Variants in ANKRD6 observed in about 807,000 individuals in gnomAD.
ANKRD6 encodes ankyrin repeat domain-containing protein 6.
Under a neutral mutation model 82.3 loss-of-function variants are expected in ANKRD6, and 56 were observed. The ratio of observed to expected loss-of-function variants is 0.68; its 90% CI spans 0.55 to 0.85. The LOEUF (loss-of-function observed/expected upper bound fraction) is 0.85. ANKRD6 is among the 40% of genes least tolerant of loss of function. ANKRD6 has a pLI of 0.00. For synonymous variants in ANKRD6, 347 were observed against 352.1 expected, an observed-to-expected ratio of 0.99 and a Z score of 0.16; for missense variants, 852 against 907.6, an observed-to-expected ratio of 0.94 and a Z score of 0.79.
At chr6:89,486,697 C>T (rs1777420232) in intron 1 of ANKRD6, among the ~76,000 whole-genome samples, 1 of 152,116 alleles carries the variant, frequency 6.6e-6, no homozygotes, top group Non-Finnish European at 1.5e-5. Flanking sequence ...TGGTCTCAAA[C>T]TCCCGGGCTC....
At chr6:89,438,007 TCA>T (rs1395522871) in intron 1 of ANKRD6, among the ~76,000 whole-genome samples, 1 of 152,194 alleles carries the variant, frequency 6.6e-6, no homozygotes, top group African/African-American at 2.4e-5. Context: ...TTGCCCAGGC[TCA>T]CACTGGTTTT....
Position 89,535,048 on chromosome 6 carries a change from T to C in ANKRD6, c.-143-31786T>C, listed in dbSNP as rs192395329. 3.3e-5 allele frequency among the ~76,000 whole-genome samples: 5 copies of C among 152,344 alleles called. No homozygotes were observed. The East Asian group carries it at 9.6e-4, about 29-fold the overall frequency. On this transcript the variant is annotated intron_variant, in intron 1 of 15. Transcript: ENST00000339746. ...ACTCTCTTTGGACTCTCAGCTCAGC[T>C]TAAGTAGAGCACATAGCTTCTTTGG...
intron 2 of ANKRD6, among the ~76,000 whole-genome samples, chr6:89,571,176 TGA>T (rs2051315176): frequency 6.6e-6 from 1 of 152,118 alleles, no homozygotes. Flanking sequence ...CTCAGCCTCC[TGA>T]GTAGCTGGGA....
intron 3 of ANKRD6, among the ~76,000 whole-genome samples, chr6:89,599,921 C>T (rs1055032287): frequency 6.6e-6 from 1 of 151,982 alleles, no homozygotes; most frequent in African/African-American, 2.4e-5. Context: ...GTTTATCTGA[C>T]CCGGGCTCTC....
intron 2 of ANKRD6, among the ~76,000 whole-genome samples, chr6:89,587,036 A>G (rs545438836): frequency 6.6e-6 from 1 of 151,906 alleles, no homozygotes; most frequent in Admixed American, 6.5e-5. Context: ...TAAAAATACA[A>G]AAAAACTAGC....
intron 2 of ANKRD6, among the ~76,000 whole-genome samples, chr6:89,593,349 C>T (rs1795258975): frequency 1.3e-5 from 2 of 152,232 alleles, no homozygotes; most frequent in Non-Finnish European, 2.9e-5. Flanking sequence ...CAGGCCCAGC[C>T]AGTGGAACCT....
Position 89,623,551 on chromosome 6 carries a change from A to C in ANKRD6, c.1032+7A>C. 6.3e-7 allele frequency: 1 copy of C among 1,576,836 alleles called. No homozygotes were observed. The highest frequency in any genetic ancestry group is 8.6e-7 in the Non-Finnish European group (1 of 1,161,178). ...GAGAAAGTCAAGGCCCAAGGTCAGG[A>C]GACACAGAAAGCAGCCCAGAGGGGT... On this transcript the variant is annotated splice_region_variant and intron_variant, in intron 11 of 15. Transcript: ENST00000339746.
intron 1 of ANKRD6, among the ~76,000 whole-genome samples, chr6:89,536,439 G>A (rs1257388424): frequency 1.3e-5 from 2 of 152,222 alleles, no homozygotes; most frequent in Non-Finnish European, 2.9e-5. Context: ...GCACTATTGA[G>A]AAGAAAGTGT....
At chr6:89,556,375 C>T (rs764588146) in intron 1 of ANKRD6, among the ~76,000 whole-genome samples, 14 of 152,248 alleles carry the variant, frequency 9.2e-5, no homozygotes, top group African/African-American at 1.9e-4. Flanking sequence ...ATCCCAAGAA[C>T]TAGCTGACCA....
intron 1 of ANKRD6, among the ~76,000 whole-genome samples, chr6:89,454,214 C>T (rs1488085723): frequency 1.3e-5 from 2 of 152,192 alleles, no homozygotes; most frequent in Admixed American, 6.5e-5. Flanking sequence ...CTTATGGGTG[C>T]ACATCTAGAG....
At chr6:89,575,929 A>G (rs1301129163) in intron 2 of ANKRD6, among the ~76,000 whole-genome samples, 1 of 152,228 alleles carries the variant, frequency 6.6e-6, no homozygotes, top group East Asian at 1.9e-4. Flanking sequence ...TGCACAGAAC[A>G]TGTCTTCAGA....
chr6:89,567,955 C>A (rs1475762292), intron 2 of ANKRD6, among the ~76,000 whole-genome samples: 1 of 152,234 alleles, frequency 6.6e-6, no homozygotes, highest in East Asian at 1.9e-4. Context: ...CATAGAAGGT[C>A]ACCTGTTAAC....
intron 1 of ANKRD6, among the ~76,000 whole-genome samples, chr6:89,480,072 G>T (rs543829611): frequency 6.6e-6 from 1 of 152,194 alleles, no homozygotes; most frequent in Non-Finnish European, 1.5e-5. Flanking sequence ...GCTTTATAAA[G>T]GGCACAATAC....
At chr6:89,597,858 G>A (rs1796246797) in intron 3 of ANKRD6, among the ~76,000 whole-genome samples, 1 of 152,182 alleles carries the variant, frequency 6.6e-6, no homozygotes, top group Non-Finnish European at 1.5e-5. Flanking sequence ...CTGAAGAAAT[G>A]CATTTGCCAG....
In ANKRD6 at chr6:89,624,083, A is replaced by G. The variant is rs1432854030; in HGVS notation, c.1218+26A>G. On this transcript the variant is annotated intron_variant, in intron 12 of 15. Coordinates refer to ENST00000339746, the MANE Select transcript of ANKRD6 (RefSeq NM_001242809.2). ...GTACCTGCAAAGCAGTGTCAGGAGAAGGGAACATAGGCCTTCAGCAAGGGT... is the reference window on the plus strand; with the variant it reads ...GTACCTGCAAAGCAGTGTCAGGAGAGGGGAACATAGGCCTTCAGCAAGGGT... 5 of 1,584,656 alleles carry G rather than the reference A, an allele frequency of 3.2e-6. No homozygotes were observed. In the East Asian group the frequency reaches 1.1e-4, roughly 36 times the overall value.
chr6:89,519,100 C>T (rs1364239497), intron 1 of ANKRD6, among the ~76,000 whole-genome samples: 2 of 152,196 alleles, frequency 1.3e-5, no homozygotes, highest in Non-Finnish European at 2.9e-5. Context: ...AAGACCCTCT[C>T]TCCAAGGATA....
chr6:89,525,473 TTGC>T (rs1358186825), intron 1 of ANKRD6, among the ~76,000 whole-genome samples: 1 of 152,192 alleles, frequency 6.6e-6, no homozygotes, highest in African/African-American at 2.4e-5. Flanking sequence ...TGGCATCCTC[TTGC>T]TGCTGTTGTC....
At chr6:89,613,451 G>A (rs999584957) in intron 6 of ANKRD6, among the ~76,000 whole-genome samples, 2 of 152,148 alleles carry the variant, frequency 1.3e-5, no homozygotes, top group African/African-American at 4.8e-5. Flanking sequence ...TGGGTTGTAG[G>A]GAGGCTAGGG....
At chr6:89,459,603 G>C (rs1248515397) in intron 1 of ANKRD6, among the ~76,000 whole-genome samples, 4 of 152,172 alleles carry the variant, frequency 2.6e-5, no homozygotes, top group Non-Finnish European at 4.4e-5. Flanking sequence ...GGGCTCAAGT[G>C]ATCCTCCTGC....
Sources: gnomAD v4.1 joint callset for allele counts (sites outside exome capture counted in the v4.1 genomes callset) on GRCh38, gnomAD v4.1.1 for gene constraint, MANE v1.5 for transcripts, NCBI Gene and HGNC (gene_info 2026-07-23, HGNC 2026-07-21) for gene names.